SFSWAP: variants seen among roughly 807,000 people sequenced by gnomAD.
SFSWAP encodes the protein splicing factor SWAP.
A neutral mutation model predicts 100.7 loss-of-function variants in SFSWAP; 17 were observed. That is an observed-to-expected ratio of 0.17 (90% CI 0.12 to 0.25). The LOEUF (loss-of-function observed/expected upper bound fraction) is 0.25, where lower values mean the gene tolerates loss of function less well. SFSWAP is among the 10% of genes least tolerant of loss of function. The probability of loss-of-function intolerance (pLI) is 1.00; values close to 1 mark genes in which losing one functional copy is unlikely to be tolerated. For synonymous variants in SFSWAP, 504 were observed against 510.1 expected, an observed-to-expected ratio of 0.99 and a Z score of 0.16; for missense variants, 1,005 against 1,262.6, an observed-to-expected ratio of 0.80 and a Z score of 3.09.
At chr12:131,750,268 G>A (rs967193845) in intron 7 of SFSWAP, among the ~76,000 whole-genome samples, 4 of 152,200 alleles carry the variant, frequency 2.6e-5, no homozygotes, top group Non-Finnish European at 4.4e-5. Context: ...TTGGTTCCCG[G>A]GCTGCCTCCG....
chr12:131,748,923 C>T (rs937352816), intron 7 of SFSWAP, among the ~76,000 whole-genome samples: 6 of 152,188 alleles, frequency 3.9e-5, no homozygotes, highest in Non-Finnish European at 5.9e-5. Flanking sequence ...TAGTTTAAAA[C>T]GTAGTCCCCT....
At chr12:131,764,087 C>T (rs1254210846) in intron 11 of SFSWAP, among the ~76,000 whole-genome samples, 1 of 152,188 alleles carries the variant, frequency 6.6e-6, no homozygotes, top group Non-Finnish European at 1.5e-5. Flanking sequence ...GATCGTGCCA[C>T]TGCACTCCAG....
At chr12:131,789,060 G>A (rs969923223) in intron 15 of SFSWAP, among the ~76,000 whole-genome samples, 3 of 150,956 alleles carry the variant, frequency 2.0e-5, no homozygotes, top group Non-Finnish European at 4.4e-5. Flanking sequence ...AGCTCACTGC[G>A]GCCTCAACCT....
intron 7 of SFSWAP, among the ~76,000 whole-genome samples, chr12:131,749,240 G>A (rs1881404511): frequency 6.6e-6 from 1 of 152,206 alleles, no homozygotes; most frequent in African/African-American, 2.4e-5. Flanking sequence ...GTCAGTGTAT[G>A]GTGGGGTTGT....
chr12:131,719,303 A>C, intron 3 of SFSWAP, 151 bp from the exon 4 acceptor site: 1 of 552,494 alleles, frequency 1.8e-6, no homozygotes. Flanking sequence ...CGTTGTGGGT[A>C]GAAGAGAAAG....
At chr12:131,772,279 T>C (rs544413544) in intron 13 of SFSWAP, among the ~76,000 whole-genome samples, 8 of 152,374 alleles carry the variant, frequency 5.3e-5, no homozygotes, top group African/African-American at 1.7e-4. Context: ...TCTGCATCCA[T>C]GTTCCTGTTC....
At chr12:131,779,709 G>A (rs1211791671) in intron 14 of SFSWAP, among the ~76,000 whole-genome samples, 2 of 152,186 alleles carry the variant, frequency 1.3e-5, no homozygotes, top group Non-Finnish European at 2.9e-5. Context: ...GGCTTTTTAA[G>A]TGTAATTTTA....
chr12:131,783,366 AAGAT>A (rs1566055037), intron 14 of SFSWAP: 2 of 152,172 alleles, frequency 1.3e-5, no homozygotes, highest in African/African-American at 4.8e-5. Context: ...AACTTTTGCT[AAGAT>A]AGTCTCTTGT....
chr12:131,758,331 G>A (rs866719689), intron 11 of SFSWAP, among the ~76,000 whole-genome samples: 14 of 152,094 alleles, frequency 9.2e-5, no homozygotes, highest in African/African-American at 3.1e-4. Flanking sequence ...ACAACACACC[G>A]AGAAGTTTAC....
intron 13 of SFSWAP, among the ~76,000 whole-genome samples, chr12:131,770,178 T>C (rs916977583): frequency 3.3e-5 from 5 of 152,262 alleles, no homozygotes; most frequent in Non-Finnish European, 5.9e-5. Context: ...CTTTACTAAG[T>C]ATTCTAGCAT....
chr12:131,715,428 A>G (rs1480219897), intron 3 of SFSWAP, among the ~76,000 whole-genome samples: 3 of 152,230 alleles, frequency 2.0e-5, no homozygotes, highest in Non-Finnish European at 4.4e-5. Context: ...GCTTCCTGGT[A>G]GCCTTGATGC....
chr12:131,724,082 G>C (rs1169675694), intron 4 of SFSWAP, among the ~76,000 whole-genome samples: 2 of 152,146 alleles, frequency 1.3e-5, no homozygotes, highest in Non-Finnish European at 2.9e-5. Flanking sequence ...TTCAGGGTTG[G>C]TAGCCAACCT....
intron 7 of SFSWAP, among the ~76,000 whole-genome samples, chr12:131,748,413 G>A (rs1053246330): frequency 1.3e-5 from 2 of 152,120 alleles, no homozygotes; most frequent in Non-Finnish European, 2.9e-5. Flanking sequence ...CCCGACCTTG[G>A]CCTCCCAAAG....
In SFSWAP at chr12:131,728,207, A is replaced by T. The variant is rs180767091; in HGVS notation, c.946-86A>T. 45 of 1,480,748 alleles carry T rather than the reference A, an allele frequency of 3.0e-5. 1 individual carries two copies. In the African/African-American group the frequency reaches 5.5e-4, roughly 18 times the overall value. The allele number at this position is 1,480,748 out of a possible 1,614,324, so 91.7% of individuals were successfully genotyped here. A position where few individuals can be genotyped will look rare whatever the true frequency, so the allele number is the denominator to read the frequency against. On this transcript the variant is annotated intron_variant, in intron 6 of 17. Transcript: ENST00000261674. ...TGTTTTTTCTAAGGCATGTACACTG[A>T]GTCCTAAAGGTGAGCCTTTTGCAGC...
chr12:131,766,574 T>C (rs1042113152), intron 13 of SFSWAP, among the ~76,000 whole-genome samples: 6 of 152,228 alleles, frequency 3.9e-5, no homozygotes, highest in Admixed American at 2.0e-4. Flanking sequence ...GCTGCCCTTA[T>C]GGGGCTGGCA....
rs577154249 is a variant in SFSWAP, at chr12:131,787,534, C to T, written c.2534+946C>T. 3.9e-5 allele frequency among the ~76,000 whole-genome samples: 6 copies of T among 152,292 alleles called. No homozygotes were observed. In the South Asian group the frequency reaches 1.2e-3, roughly 32 times the overall value. On this transcript the variant is annotated intron_variant, in intron 15 of 17. Coordinates refer to ENST00000261674, the MANE Select transcript of SFSWAP (RefSeq NM_004592.4). ...CAGCCTCCTGGCTGTGTGGGTGGAC[C>T]GTGTCTGCGTCTGGAGCTACACAGA...
chr12:131,787,053 G>T (rs548910193), intron 15 of SFSWAP, among the ~76,000 whole-genome samples: 2 of 152,192 alleles, frequency 1.3e-5, no homozygotes, highest in Admixed American at 6.5e-5. Flanking sequence ...ACAGAGTCCT[G>T]TTGGGGCCTA....
intron 14 of SFSWAP, among the ~76,000 whole-genome samples, chr12:131,779,603 C>G (rs901973207): frequency 6.8e-6 from 1 of 147,476 alleles, no homozygotes. Context: ...GTTTCTCTAA[C>G]GCCGCACTGA....
rs371178402 is a variant in SFSWAP, at chr12:131,715,372, TG to T, written c.520+421del. 4.8e-3 allele frequency among the ~76,000 whole-genome samples: 736 copies of T among 152,256 alleles called. 5 individuals are homozygous for T. The highest frequency in any genetic ancestry group is 0.016 in the African/African-American group (677 of 41,550). ...AACTGAGACAGTGACACATGCCCAG[TG>T]GAAGGACACAGTGAGGGAGTTTCTA... is the stretch of plus-strand genomic sequence containing the variant. On this transcript the variant is annotated intron_variant, in intron 3 of 17. Transcript: ENST00000261674.
Sources: allele counts gnomAD v4.1 joint callset (sites outside exome capture counted in the v4.1 genomes callset), GRCh38; gene constraint gnomAD v4.1.1; transcripts MANE v1.5; gene names NCBI Gene and HGNC (gene_info 2026-07-23, HGNC 2026-07-21).